The following FGF12 variants were observed in gnomAD, a reference collection of about 807,000 sequenced individuals.
FGF12 encodes fibroblast growth factor 12, also known as fibroblast growth factor 12B.
Under a neutral mutation model 23.6 loss-of-function variants are expected in FGF12, and 14 were observed. The ratio of observed to expected loss-of-function variants is 0.59; its 90% confidence interval spans 0.39 to 0.93. The LOEUF (loss-of-function observed/expected upper bound fraction) is 0.93. Among genes scored for constraint, FGF12 ranks in the 40% least tolerant of loss-of-function variants. The pLI is 0.00. For missense variants in FGF12, 175 were observed against 217.8 expected (o/e 0.80, Z 1.24); for synonymous variants, 62 against 77.3 (o/e 0.80, Z 1.04).
intron 4 of FGF12, among the ~76,000 whole-genome samples, chr3:192,187,428 A>T (rs1330397424): frequency 6.6e-6 from 1 of 152,214 alleles, no homozygotes; most frequent in Non-Finnish European, 1.5e-5. Flanking sequence ...TCCAGGTAGA[A>T]AGAGAAGGTT....
chr3:192,551,383 A>G (rs565658732), intron 2 of FGF12, among the ~76,000 whole-genome samples: 1 of 152,338 alleles, frequency 6.6e-6, no homozygotes, highest in East Asian at 1.9e-4. Flanking sequence ...ATCTTCACAG[A>G]GGTTGCCCTC....
chr3:192,691,376 A>G (rs910765212), intron 2 of FGF12, among the ~76,000 whole-genome samples: 9 of 152,218 alleles, frequency 5.9e-5, no homozygotes, highest in Admixed American at 3.9e-4. Context: ...AACCAATAAA[A>G]GGAGAAAAAT....
intron 2 of FGF12, among the ~76,000 whole-genome samples, chr3:192,675,923 C>T (rs1717310813): frequency 1.3e-5 from 2 of 152,160 alleles, no homozygotes; most frequent in African/African-American, 4.8e-5. Flanking sequence ...CCTATACTCC[C>T]CTAATAGGGT....
intron 4 of FGF12, among the ~76,000 whole-genome samples, chr3:192,235,072 G>A (rs1577262759): frequency 1.3e-5 from 2 of 152,238 alleles, no homozygotes; most frequent in African/African-American, 4.8e-5. Context: ...AGTTAGGCAG[G>A]AGTCCCTCCT....
At chr3:192,497,085 T>C (rs570403584) in intron 2 of FGF12, among the ~76,000 whole-genome samples, 19 of 152,254 alleles carry the variant, frequency 1.2e-4, no homozygotes, top group African/African-American at 4.3e-4. Context: ...CTATTCAATG[T>C]CTCTTCTCTA....
intron 4 of FGF12, among the ~76,000 whole-genome samples, chr3:192,221,806 T>C (rs1434345398): frequency 6.6e-6 from 1 of 152,174 alleles, no homozygotes; most frequent in Non-Finnish European, 1.5e-5. Context: ...ATCCTGTCTC[T>C]AGTTATGACT....
intron 2 of FGF12, among the ~76,000 whole-genome samples, chr3:192,365,486 A>G (rs905656827): frequency 6.6e-6 from 1 of 152,176 alleles, no homozygotes; most frequent in Non-Finnish European, 1.5e-5. Context: ...TGTGACAAAT[A>G]TTGTACATTA....
At chr3:192,322,817 C>T (rs1716620844) in intron 4 of FGF12, among the ~76,000 whole-genome samples, 1 of 152,102 alleles carries the variant, frequency 6.6e-6, no homozygotes, top group Non-Finnish European at 1.5e-5. Flanking sequence ...GAAACTAGAC[C>T]TCTATCTCTT....
At chr3:192,642,029 T>C (rs1337579461) in intron 2 of FGF12, among the ~76,000 whole-genome samples, 1 of 152,228 alleles carries the variant, frequency 6.6e-6, no homozygotes, top group African/African-American at 2.4e-5. Flanking sequence ...GTTTATAAAT[T>C]AGACATACCC....
At chr3:192,185,817 C>T (rs1308114971) in intron 4 of FGF12, among the ~76,000 whole-genome samples, 1 of 151,400 alleles carries the variant, frequency 6.6e-6, no homozygotes, top group Non-Finnish European at 1.5e-5. Flanking sequence ...CAAGATCGCA[C>T]CACTGCACTT....
At chr3:192,727,435 T>TG in intron 1 of FGF12, 49 bp downstream of exon 1, 1 of 1,102,380 alleles carries the variant, frequency 9.1e-7, no homozygotes, top group East Asian at 2.6e-5. Flanking sequence ...CATCTGATAC[T>TG]GAAATGCATG....
chr3:192,440,589 C>A (rs956480065), intron 2 of FGF12, among the ~76,000 whole-genome samples: 2 of 152,210 alleles, frequency 1.3e-5, no homozygotes, highest in Admixed American at 1.3e-4. Flanking sequence ...TCACGATTTT[C>A]CTTCACTAAC....
intron 2 of FGF12, among the ~76,000 whole-genome samples, chr3:192,565,082 T>G (rs950818524): frequency 1.3e-5 from 2 of 152,240 alleles, no homozygotes; most frequent in Non-Finnish European, 2.9e-5. Flanking sequence ...CACTGTTTAT[T>G]AACTAAAAAT....
intron 2 of FGF12, among the ~76,000 whole-genome samples, chr3:192,695,244 G>C (rs746474145): frequency 6.6e-6 from 1 of 151,922 alleles, no homozygotes; most frequent in African/African-American, 2.4e-5. Context: ...AGCATTTTTC[G>C]TTGTGTCTTA....
chr3:192,444,431 C>G (rs762264492), intron 2 of FGF12, among the ~76,000 whole-genome samples: 2 of 152,004 alleles, frequency 1.3e-5, no homozygotes, highest in Non-Finnish European at 2.9e-5. Flanking sequence ...TTTATCTTGC[C>G]TTTCTGTGAA....
chr3:192,242,339 C>A (rs541759884), intron 4 of FGF12, among the ~76,000 whole-genome samples: 1 of 152,192 alleles, frequency 6.6e-6, no homozygotes, highest in South Asian at 2.1e-4. Flanking sequence ...GAGCAGCATC[C>A]CTAGCCAGAT....
chr3:192,719,151 A>G (rs984617260), intron 2 of FGF12, among the ~76,000 whole-genome samples: 4 of 152,210 alleles, frequency 2.6e-5, no homozygotes, highest in Admixed American at 2.0e-4. Flanking sequence ...TTTCATTGGA[A>G]CATGCACCAT....
At chr3:192,524,014 G>A (rs539015892) in intron 2 of FGF12, among the ~76,000 whole-genome samples, 1 of 152,122 alleles carries the variant, frequency 6.6e-6, no homozygotes, top group African/African-American at 2.4e-5. Context: ...TTTAACATAA[G>A]TCAACTCATG....
chr3:192,302,198 T>A (rs1159712084), intron 4 of FGF12, among the ~76,000 whole-genome samples: 1 of 152,106 alleles, frequency 6.6e-6, no homozygotes, highest in Non-Finnish European at 1.5e-5. Context: ...GCAGGTCATG[T>A]CTCCTCTGGG....
Sources: allele counts gnomAD v4.1 joint callset (sites outside exome capture counted in the v4.1 genomes callset), GRCh38; gene constraint gnomAD v4.1.1; transcripts MANE v1.5; gene names NCBI Gene and HGNC (gene_info 2026-07-23, HGNC 2026-07-21).